Variants in ARFGAP2 observed in about 807,000 individuals in gnomAD.
ARFGAP2 encodes ARF GTPase activating protein 2, also known as ADP-ribosylation factor GTPase-activating protein 2.
ARFGAP2 carries 45 observed loss-of-function variants against 71.9 expected under a neutral mutation model. That is an observed-to-expected ratio of 0.63 (90% confidence interval 0.49 to 0.80). The LOEUF is 0.80. Ranked by LOEUF, ARFGAP2 falls within the 30% of genes least tolerant of loss-of-function variation. The probability of loss-of-function intolerance (pLI) is 0.00; values close to 1 mark genes in which losing one functional copy is unlikely to be tolerated. For synonymous variants in ARFGAP2, 248 were observed against 249.2 expected, an observed-to-expected ratio of 1.00 and a Z score of 0.05; for missense variants, 633 against 673.9, an observed-to-expected ratio of 0.94 and a Z score of 0.67.
chr11:47,164,311 C>A lies in ARFGAP2; in HGVS notation c.*1171G>T. ...TCCAGAGGACACTGCTTCACTCAGA[C>A]CAACAGGGAGCCAGGCCCTGCAGGG... On this transcript the variant is annotated 3_prime_UTR_variant, in exon 16 of 16. Transcript: ENST00000524782. 6.6e-7 allele frequency: 1 copy of A among 1,519,040 alleles called. No individual in the cohort carries two copies. The highest frequency in any genetic ancestry group is 8.8e-7 in the Non-Finnish European group (1 of 1,130,954). 94.1% of individuals were successfully genotyped at this position (1,519,040 alleles called of 1,614,324 possible). A position where few individuals can be genotyped will look rare whatever the true frequency, so the allele number is the denominator to read the frequency against.
At chr11:47,175,557 C>A in intron 3 of ARFGAP2, 1 of 640,298 alleles carries the variant, frequency 1.6e-6, no homozygotes, top group Non-Finnish European at 2.7e-6. Context: ...GCACAACATC[C>A]CATACCCAGC....
intron 12 of ARFGAP2, among the ~76,000 whole-genome samples, 153 bp downstream of exon 12, chr11:47,167,756 T>C (rs532973331): frequency 4.6e-5 from 7 of 152,074 alleles, no homozygotes; most frequent in South Asian, 2.1e-4. Context: ...TAAGGGCTCA[T>C]AGCCACATAG....
At chr11:47,173,343 G>T in intron 7 of ARFGAP2, 83 bp downstream of exon 7, 1 of 1,481,320 alleles carries the variant, frequency 6.8e-7, no homozygotes, top group South Asian at 1.2e-5. Flanking sequence ...CTGTCCACAC[G>T]GCCAGGCAGT....
chr11:47,166,563 T>A lies in ARFGAP2; in HGVS notation c.1369A>T (p.Ser457Cys). The change falls in exon 14 of 16, where the codon AGC (serine) becomes TGC (cysteine). Residue 457 changes from serine (S) to cysteine (C), a missense_variant. Coordinates refer to ENST00000524782, the MANE Select transcript of ARFGAP2 (RefSeq NM_032389.6). ...ARSRLQQLSG[S>C]SAISSSDLFG... is the part of the protein sequence containing the mutation. ...AGGTCTGAAGAGCTGATGGCACTGCTGCCTGAGAGCTGCTGCAGCCGAGAC... is the reference window on the plus strand; with the variant it reads ...AGGTCTGAAGAGCTGATGGCACTGCAGCCTGAGAGCTGCTGCAGCCGAGAC... 1 of 1,612,462 alleles carries A rather than the reference T, an allele frequency of 6.2e-7. No individual in the cohort carries two copies. Among genetic ancestry groups the A allele is most frequent in the South Asian group, 1.1e-5 (1 of 91,086 alleles).
intron 15 of ARFGAP2, among the ~76,000 whole-genome samples, chr11:47,165,717 T>C (rs1454213956): frequency 6.6e-6 from 1 of 151,640 alleles, no homozygotes; most frequent in African/African-American, 2.4e-5. Flanking sequence ...TCACAGAAGC[T>C]GGGAAGAGAA....
intron 6 of ARFGAP2, 70 bp from the exon 7 acceptor site, chr11:47,173,552 T>A: frequency 6.7e-7 from 1 of 1,495,430 alleles, no homozygotes; most frequent in Non-Finnish European, 9.0e-7. Flanking sequence ...AAAGAAGTGA[T>A]GGGACAAGAA....
chr11:47,169,675 C>G (rs1295458414), intron 10 of ARFGAP2: 1 of 151,740 alleles, frequency 6.6e-6, no homozygotes, highest in African/African-American at 2.4e-5. Flanking sequence ...CTGACCAAGA[C>G]GGAGAAACCC....
intron 3 of ARFGAP2, chr11:47,175,593 C>T: frequency 1.6e-6 from 1 of 621,430 alleles, no homozygotes; most frequent in Non-Finnish European, 2.8e-6. Context: ...CCAGGGCAGG[C>T]CCACAAGACC....
rs1952460668 is a variant in ARFGAP2 at position 47,168,139 on chromosome 11, C to T, written c.1054G>A (p.Ala352Thr). 6.2e-6 allele frequency: 10 copies of T among 1,614,056 alleles called. No individual in the cohort carries two copies. Among genetic ancestry groups the T allele is most frequent in the South Asian group, 1.1e-5 (1 of 91,090 alleles). ...LDLFDDVGTF[A>T]SGPPKYKDNP... is the part of the protein sequence containing the mutation. ...CAGCCTTACTTTGGGGGTCCAGAGG[C>T]GAAAGTACCAACATCGTCAAACAAG... The change falls in exon 11 of 16, where the codon GCC becomes ACC. Residue 352 changes from alanine (A) to threonine (T), a missense_variant. Physicochemically the swap from Ala to Thr is moderately conservative, Grantham distance 58. Coordinates refer to ENST00000524782, the MANE Select transcript of ARFGAP2 (RefSeq NM_032389.6).
In ARFGAP2 at chr11:47,176,777, C is replaced by A; in HGVS notation, c.72+5G>T. The A allele has an allele frequency of 1.2e-6, 2 of 1,614,152 alleles. No homozygotes were observed. Among genetic ancestry groups the A allele is most frequent in the Non-Finnish European group, 1.7e-6 (2 of 1,180,028 alleles). On this transcript the variant is annotated splice_donor_5th_base_variant and intron_variant, in intron 1 of 15. Transcript: ENST00000524782. The stretch of plus-strand genomic sequence containing the variant: ...AGAGACTCCGCGCGCCCCCTGCTCA[C>A]GCACCTTGTTGGTTGGAACTGCGCG...
chr11:47,168,501 C>T (rs1460492015), intron 10 of ARFGAP2: 8 of 374,162 alleles, frequency 2.1e-5, no homozygotes, highest in South Asian at 9.4e-5. Context: ...TGGCCAGTGA[C>T]GGTTTGCCTG....
chr11:47,175,201 AG>A lies in ARFGAP2; in HGVS notation c.376del (p.Leu126TrpfsTer10). 1 of 1,614,146 alleles carries A rather than the reference AG, an allele frequency of 6.2e-7. No individual in the cohort carries two copies. The highest frequency in any genetic ancestry group is 8.5e-7 in the Non-Finnish European group (1 of 1,180,014). On this transcript the variant is annotated frameshift_variant, in exon 4 of 16. Transcript: ENST00000524782. LOFTEE classifies it high-confidence loss of function. ...ACTTACATCAGTGCCATGCCTAGCC[AG>A]GGCCGCACTCCCCAGCTGCCGGATC... ...EKIRQLGSAA[L>X]ARHGTDLWID...
In ARFGAP2 at chr11:47,165,441, T is replaced by C. The variant is rs781166290; in HGVS notation, c.*41A>G. The C allele has an allele frequency of 1.7e-5, 27 of 1,567,520 alleles. No individual in the cohort carries two copies. Among genetic ancestry groups the C allele is most frequent in the Non-Finnish European group, 2.3e-5 (27 of 1,156,880 alleles). On this transcript the variant is annotated 3_prime_UTR_variant, in exon 16 of 16. Coordinates refer to ENST00000524782, the MANE Select transcript of ARFGAP2 (RefSeq NM_032389.6). ...CCCAGCCTGGGAACTGTGGAGTTCT[T>C]GTTGCCGTCACCATCGTAAGCCTGA...
At chr11:47,170,952 AAAAG>A (rs766634761) in intron 10 of ARFGAP2, among the ~76,000 whole-genome samples, 1 of 152,140 alleles carries the variant, frequency 6.6e-6, no homozygotes, top group African/African-American at 2.4e-5. Context: ...TCTCAAAAGA[AAAAG>A]AAAGAAAACC....
Position 47,168,071 on chromosome 11 carries a change from A to G in ARFGAP2, c.1071-28T>C, listed in dbSNP as rs780897773. On this transcript the variant is annotated intron_variant, in intron 11 of 15. Coordinates refer to ENST00000524782, the MANE Select transcript of ARFGAP2 (RefSeq NM_032389.6). ...AGGGAGACAGTAGAGTGGCTCAGAG[A>G]AGCCTGATGAGGAACACAGCAGCCA... 32 of 1,613,990 alleles carry G rather than the reference A, an allele frequency of 2.0e-5. 1 individual carries two copies. The highest frequency in any genetic ancestry group is 1.7e-4 in the Admixed American group (10 of 59,994).
intron 2 of ARFGAP2, chr11:47,176,166 G>A (rs1952809529): frequency 3.4e-6 from 2 of 594,288 alleles, no homozygotes; most frequent in South Asian, 4.0e-5. Context: ...CGCACGCCTG[G>A]ATTTGGCTTT....
At chr11:47,167,859 C>T (rs1952443903) in intron 12 of ARFGAP2, 50 bp downstream of exon 12, 2 of 1,496,446 alleles carry the variant, frequency 1.3e-6, no homozygotes, top group African/African-American at 1.5e-5. Context: ...CTACCTTCAG[C>T]TTGTTTAAAA....
rs753853028 is a variant in ARFGAP2 at position 47,166,573 on chromosome 11, C to G, written c.1359G>C (p.Gln453His). The G allele has an allele frequency of 1.2e-6, 2 of 1,612,306 alleles. No individual in the cohort carries two copies. The highest frequency in any genetic ancestry group is 1.7e-6 in the Non-Finnish European group (2 of 1,180,028). ...AEYEARSRLQ[Q>H]LSGSSAISSS... is the part of the protein sequence containing the mutation. ...AGCTGATGGCACTGCTGCCTGAGAG[C>G]TGCTGCAGCCGAGACCTGGCCTCAT... The change falls in exon 14 of 16, where the codon CAG becomes CAC. Residue 453 changes from glutamine to histidine, a missense_variant. Gln to His is a conservative substitution (Grantham distance 24, BLOSUM62 0). Transcript: ENST00000524782.
intron 10 of ARFGAP2, chr11:47,169,230 C>T (rs1011316372): frequency 4.0e-5 from 6 of 151,744 alleles, no homozygotes; most frequent in Non-Finnish European, 7.4e-5. Flanking sequence ...AGGAGAATGA[C>T]GTGAACTTGG....
Sources: allele counts gnomAD v4.1 joint callset (sites outside exome capture counted in the v4.1 genomes callset), GRCh38; gene constraint gnomAD v4.1.1; transcripts MANE v1.5; gene names NCBI Gene and HGNC (gene_info 2026-07-23, HGNC 2026-07-21).